The following CISTR variants were observed in gnomAD, a reference collection of about 807,000 sequenced individuals.
CISTR encodes chondrogenesis-associated transcript.
chr12:53,753,665 GGTGTGTGTGT>G (rs55769002), intron 1 of CISTR, among the ~76,000 whole-genome samples: 39 of 141,314 alleles, frequency 2.8e-4, no homozygotes, highest in African/African-American at 5.6e-4. Flanking sequence ...AATGCATAGG[GGTGTGTGTGT>G]GTGTGTGTGT....
rs1937858037 is a variant in CISTR at position 53,751,987 on chromosome 12, CCT to C, written n.415-1024_415-1023del. ...CTCTTCCACAGGGTCTCTCCCTCCC[CCT>C]CTCCCCGTGGTTGTCAGACTTTCTC... On this transcript the variant is annotated intron_variant and non_coding_transcript_variant, in intron 1 of 2. Coordinates refer to ENST00000669269, the Ensembl canonical transcript of CISTR. This position sits in a 1 kb window ranked among gnomAD's most constrained non-coding sequence, Gnocchi z 4.6. Among the ~76,000 whole-genome samples the C allele has an allele frequency of 1.3e-5, 2 of 152,046 alleles. No homozygotes were observed. The highest frequency in any genetic ancestry group is 4.2e-4 in the South Asian group (2 of 4,818).
chr12:53,751,362 C>A lies in CISTR; in HGVS notation n.415-397G>T, dbSNP rs1168988636. 6.6e-6 allele frequency among the ~76,000 whole-genome samples: 1 copy of A among 152,096 alleles called. No homozygotes were observed. The highest frequency in any genetic ancestry group is 1.5e-5 in the Non-Finnish European group (1 of 67,998). On this transcript the variant is annotated intron_variant and non_coding_transcript_variant, in intron 1 of 2. Transcript: ENST00000669269. The surrounding 1 kb of genome is among the most constrained non-coding windows in gnomAD (Gnocchi z 4.6). ...TCCTTTGGCAGTGGGAAGGGGTGTG[C>A]GTGGGTGTCCTCTCCTTCACTCTTT... is the stretch of plus-strand genomic sequence containing the variant.
rs74703502 is a variant in CISTR at position 53,751,670 on chromosome 12, C to A, written n.415-705G>T. 0.046 allele frequency: 6,966 copies of A among 152,068 alleles called. 312 individuals carry two copies. The highest frequency in any genetic ancestry group is 0.25 in the East Asian group (1,252 of 5,086). The allele number at this position is 152,068 out of a possible 1,614,324, so 9.4% of individuals were successfully genotyped here. On this transcript the variant is annotated intron_variant and non_coding_transcript_variant, in intron 1 of 2. Transcript: ENST00000669269. The surrounding 1 kb of genome is among the most constrained non-coding windows in gnomAD (Gnocchi z 4.6). Reference sequence around the variant, plus strand: ...GTCGGGGGTGCGTGCGGGTGCGATCCGGGCCTGCAGGGTGCGGAGCGGGGG... The same window carrying A: ...GTCGGGGGTGCGTGCGGGTGCGATCAGGGCCTGCAGGGTGCGGAGCGGGGG...
intron 1 of CISTR, among the ~76,000 whole-genome samples, chr12:53,752,226 T>C (rs946508936): frequency 6.6e-6 from 1 of 152,162 alleles, no homozygotes; most frequent in African/African-American, 2.4e-5. Flanking sequence ...GGTTCTTCCT[T>C]TGGGCCGTCT....
chr12:53,746,599 G>C (rs1937783970), exon 3 of CISTR, among the ~76,000 whole-genome samples: 1 of 152,172 alleles, frequency 6.6e-6, no homozygotes, highest in Admixed American at 6.5e-5. Context: ...GGCATTTCAG[G>C]GACTAGAGAG....
chr12:53,754,267 A>G (rs1487779188), intron 1 of CISTR: 1 of 152,188 alleles, frequency 6.6e-6, no homozygotes, highest in Non-Finnish European at 1.5e-5. Context: ...GTTCGATATT[A>G]CTTCCCCATT....
intron 2 of CISTR, among the ~76,000 whole-genome samples, chr12:53,748,972 G>GGT (rs138159626): frequency 1.3e-5 from 2 of 151,740 alleles, no homozygotes; most frequent in African/African-American, 2.4e-5. Flanking sequence ...AGTGTGTATG[G>GGT]GTGTGTGTGT....
At chr12:53,749,549 C>CTT (rs35197896) in intron 2 of CISTR, among the ~76,000 whole-genome samples, 12 of 150,140 alleles carry the variant, frequency 8.0e-5, no homozygotes, top group Middle Eastern at 3.4e-3. Context: ...TTCTTTCTTT[C>CTT]TTTTTTTTTA....
At chr12:53,748,975 G>A in intron 2 of CISTR, among the ~76,000 whole-genome samples, 1 of 151,968 alleles carries the variant, frequency 6.6e-6, no homozygotes, top group Non-Finnish European at 1.5e-5. Context: ...GTGTATGGGT[G>A]TGTGTGTGTT....
At position 53,751,702 on chromosome 12, in the gene CISTR, G is replaced by A. The variant is rs1565659215; in HGVS notation, n.415-737C>T. 1 of 152,122 alleles carries A rather than the reference G, an allele frequency of 6.6e-6. No homozygotes were observed. The highest frequency in any genetic ancestry group is 2.4e-5 in the African/African-American group (1 of 41,354). The allele number at this position is 152,122 out of a possible 1,614,324, so 9.4% of individuals were successfully genotyped here. On this transcript the variant is annotated intron_variant and non_coding_transcript_variant, in intron 1 of 2. Coordinates refer to ENST00000669269, the Ensembl canonical transcript of CISTR. The surrounding 1 kb of genome is among the most constrained non-coding windows in gnomAD (Gnocchi z 4.6). ...GCAGGGTGCGGAGCGGGGGCGTCCC[G>A]GGGCGAGGGCAGCGGGCCGGTTCCC... is the stretch of plus-strand genomic sequence containing the variant.
intron 1 of CISTR, among the ~76,000 whole-genome samples, chr12:53,753,090 A>AC: frequency 4.9e-5 from 1 of 20,328 alleles, no homozygotes; most frequent in East Asian, 9.4e-4. Flanking sequence ...ACACACACAC[A>AC]GAGAGAGACA....
At position 53,751,517 on chromosome 12, in the gene CISTR, A is replaced by T. The variant is rs1013149321; in HGVS notation, n.415-552T>A. Among the ~76,000 whole-genome samples the T allele has an allele frequency of 6.6e-6, 1 of 152,056 alleles. No homozygotes were observed. The highest frequency in any genetic ancestry group is 1.5e-5 in the Non-Finnish European group (1 of 68,002). Reference sequence around the variant, plus strand: ...TGGAACGTTTTAATTAGGCCTGAACAATAAACAAGCTAAACGAGGCGCGCA... The same window carrying T: ...TGGAACGTTTTAATTAGGCCTGAACTATAAACAAGCTAAACGAGGCGCGCA... On this transcript the variant is annotated intron_variant and non_coding_transcript_variant, in intron 1 of 2. Transcript: ENST00000669269. The surrounding 1 kb of genome is among the most constrained non-coding windows in gnomAD (Gnocchi z 4.6).
rs55769002 is a variant in CISTR at position 53,753,665 on chromosome 12, G to GGTGTGT, written n.415-2706_415-2701dup. ...GGCAGATGGGGAAGGAATGCATAGG[G>GGTGTGT]GTGTGTGTGTGTGTGTGTGTGTGTG... On this transcript the variant is annotated intron_variant and non_coding_transcript_variant, in intron 1 of 2. Transcript: ENST00000669269. Among the ~76,000 whole-genome samples, 1,182 of 141,290 alleles carry GGTGTGT rather than the reference G, an allele frequency of 8.4e-3. 13 individuals carry two copies. The highest frequency in any genetic ancestry group is 0.025 in the African/African-American group (954 of 37,498). The allele number at this position is 141,290 out of a possible 152,430, so 92.7% of individuals were successfully genotyped here.
chr12:53,749,128 A>G (rs1160599248), intron 2 of CISTR, among the ~76,000 whole-genome samples: 1 of 152,004 alleles, frequency 6.6e-6, no homozygotes, highest in Non-Finnish European at 1.5e-5. Context: ...GAGAGAACAG[A>G]AGAAAGATGG....
At chr12:53,752,099 C>T (rs1366198208) in intron 1 of CISTR, among the ~76,000 whole-genome samples, 1 of 152,144 alleles carries the variant, frequency 6.6e-6, no homozygotes, top group Non-Finnish European at 1.5e-5. Flanking sequence ...CCCGCTGGCG[C>T]TGCCTACACC....
rs760615546 is a variant in CISTR at position 53,753,052 on chromosome 12, TCACA to T, written n.415-2091_415-2088del. Among the ~76,000 whole-genome samples the T allele has an allele frequency of 3.1e-3, 375 of 121,322 alleles. 2 individuals are homozygous for T. The highest frequency in any genetic ancestry group is 7.5e-3 in the Admixed American group (97 of 12,874). 79.6% of individuals were successfully genotyped at this position (121,322 alleles called of 152,430 possible). On this transcript the variant is annotated intron_variant and non_coding_transcript_variant, in intron 1 of 2. Coordinates refer to ENST00000669269, the Ensembl canonical transcript of CISTR. ...ATCATACTTCTCTCCCATCTATACA[TCACA>T]CACACACACACACACACACACACAC... is the stretch of plus-strand genomic sequence containing the variant.
chr12:53,753,264 G>A lies in CISTR; in HGVS notation n.415-2299C>T, dbSNP rs367782405. Among the ~76,000 whole-genome samples, 5 of 152,146 alleles carry A rather than the reference G, an allele frequency of 3.3e-5. No homozygotes were observed. In the East Asian group the frequency reaches 9.6e-4, roughly 29 times the overall value. On this transcript the variant is annotated intron_variant and non_coding_transcript_variant, in intron 1 of 2. Coordinates refer to ENST00000669269, the Ensembl canonical transcript of CISTR. ...GCTGCCCATTGTATTGGGCACTGAG[G>A]GGAGATCCAGAGGGAGGAGCACAAA...
intron 2 of CISTR, among the ~76,000 whole-genome samples, chr12:53,750,093 G>T (rs138634840): frequency 6.6e-6 from 1 of 152,238 alleles, no homozygotes; most frequent in East Asian, 1.9e-4. Context: ...CTGGCCTTGG[G>T]GATCTTACAG....
At chr12:53,750,317 C>T (rs568266103) in exon 2 of CISTR, 20 of 152,692 alleles carry the variant, frequency 1.3e-4, no homozygotes, top group African/African-American at 4.8e-4. Flanking sequence ...GCAGGAGTAC[C>T]TCTGGCTGAT....
Sources: allele counts gnomAD v4.1 joint callset (sites outside exome capture counted in the v4.1 genomes callset), GRCh38; gene constraint gnomAD v4.1.1; non-coding constraint Gnocchi (gnomAD v3.1); transcripts MANE v1.5; gene names NCBI Gene and HGNC (gene_info 2026-07-23, HGNC 2026-07-21).